Variants in CCM2L observed in about 807,000 individuals in gnomAD.
The protein encoded by CCM2L is cerebral cavernous malformations 2 protein-like.
In CCM2L, 36 loss-of-function variants were observed where a neutral mutation model predicts 54.1. That is an observed-to-expected ratio of 0.67 (90% CI 0.51 to 0.88). CCM2L has a LOEUF of 0.88. Among genes scored for constraint, CCM2L ranks in the 40% least tolerant of loss-of-function variants. The probability of loss-of-function intolerance (pLI) is 0.00; values close to 1 mark genes in which losing one functional copy is unlikely to be tolerated. For missense variants in CCM2L, 700 were observed against 812.1 expected, an observed-to-expected ratio of 0.86 and a Z score of 1.68; for synonymous variants, 351 against 359.3, an observed-to-expected ratio of 0.98 and a Z score of 0.26.
chr20:32,024,986 G>A (rs373128277), intron 6 of CCM2L, among the ~76,000 whole-genome samples: 97 of 152,298 alleles, frequency 6.4e-4, no homozygotes, highest in African/African-American at 2.0e-3. Flanking sequence ...CAAGCTCTCC[G>A]TACTTGGTGT....
At chr20:32,026,054 C>T (rs895507265) in intron 7 of CCM2L, 135 bp downstream of exon 7, 19 of 546,484 alleles carry the variant, frequency 3.5e-5, no homozygotes, top group Non-Finnish European at 5.5e-5. Flanking sequence ...GGGAGGTAAA[C>T]TGAGCTCCCT....
chr20:32,017,528 C>G (rs1385848168), intron 2 of CCM2L, among the ~76,000 whole-genome samples: 1 of 152,194 alleles, frequency 6.6e-6, no homozygotes, highest in Non-Finnish European at 1.5e-5. Context: ...TTGATCCTCT[C>G]TAGCTATCTA....
intron 1 of CCM2L, among the ~76,000 whole-genome samples, chr20:32,013,196 G>A (rs1001117127): frequency 2.0e-5 from 3 of 152,210 alleles, no homozygotes; most frequent in African/African-American, 7.2e-5. Context: ...TTACTTGGAA[G>A]GCTGAGGCAG....
chr20:32,015,297 G>C (rs2064732472), intron 2 of CCM2L, among the ~76,000 whole-genome samples: 1 of 152,178 alleles, frequency 6.6e-6, no homozygotes, highest in African/African-American at 2.4e-5. Flanking sequence ...CCTACCCCCA[G>C]TGGAGAGTGG....
At position 32,029,817 on chromosome 20, in the gene CCM2L, C is replaced by T. The variant is rs78544950; in HGVS notation, c.1381C>T (p.Arg461Trp). The T allele has an allele frequency of 1.8e-5, 29 of 1,606,176 alleles. No individual in the cohort carries two copies. In the East Asian group the frequency reaches 2.3e-4, roughly 13 times the overall value. The change falls in exon 9 of 10, where the codon CGG becomes TGG. Residue 461 changes from arginine to tryptophan, a missense_variant. Coordinates refer to ENST00000452892, the MANE Select transcript of CCM2L (RefSeq NM_001365692.1). ...AGGCCTGCTGAAGCTCTACGGAGAC[C>T]GGCGCAAGTTCCTCCTCCTTGGTGA... ...CTGLLKLYGDRRKFLLLGMRP... is the reference protein window; with the variant it reads ...CTGLLKLYGDWRKFLLLGMRP...
At chr20:32,014,262 T>TATATATATA (rs571156611) in intron 1 of CCM2L, among the ~76,000 whole-genome samples, 16 of 105,124 alleles carry the variant, frequency 1.5e-4, no homozygotes, top group Admixed American at 4.7e-4. Flanking sequence ...TATATATATA[T>TATATATATA]TTTTTTTTTT....
In CCM2L at chr20:32,025,873, G is replaced by A. The variant is rs1019061799; in HGVS notation, c.1087G>A (p.Asp363Asn). 3 of 1,304,018 alleles carry A rather than the reference G, an allele frequency of 2.3e-6. No homozygotes were observed. The highest frequency in any genetic ancestry group is 1.5e-5 in the African/African-American group (1 of 65,874). The allele number at this position is 1,304,018 out of a possible 1,614,324, so 80.8% of individuals were successfully genotyped here. Residue 363 changes from aspartate to asparagine, a missense_variant, in exon 7 of 10, where the codon GAT becomes AAT. By Grantham distance (23) the Asp-to-Asn change is conservative. Coordinates refer to ENST00000452892, the MANE Select transcript of CCM2L (RefSeq NM_001365692.1). Reference protein sequence around the residue: ...LCSRSESCHTDGTYAYDADFS... With the variant: ...LCSRSESCHTNGTYAYDADFS... ...GGTCCCAGGTGAGAGCTGCCACACAGATGGGACGTATGCCTATGATGCCGA... is the reference window on the plus strand; with the variant it reads ...GGTCCCAGGTGAGAGCTGCCACACAAATGGGACGTATGCCTATGATGCCGA...
chr20:32,028,893 G>T, intron 7 of CCM2L, 102 bp from the exon 8 acceptor site: 1 of 1,471,396 alleles, frequency 6.8e-7, no homozygotes, highest in Non-Finnish European at 9.3e-7. Flanking sequence ...CGAGGCCTTG[G>T]AGGCCAGCAT....
rs2064777436 is a variant in CCM2L, at chr20:32,019,248, G to A, written c.772G>A (p.Gly258Ser). The change falls in exon 5 of 10, where the codon GGC becomes AGC. Residue 258 changes from glycine (G) to serine (S), a missense_variant. Coordinates refer to ENST00000452892, the MANE Select transcript of CCM2L (RefSeq NM_001365692.1). Reference sequence around the variant, plus strand: ...GCGGCACGGAGGCGGCGGCGGCGGCGGCGGCGCGGGAAAGCCGGGCGGTAG... The same window carrying A: ...GCGGCACGGAGGCGGCGGCGGCGGCAGCGGCGCGGGAAAGCCGGGCGGTAG... ...ERRHGGGGGG[G>S]GAGKPGGSWE... 5.0e-6 allele frequency: 6 copies of A among 1,197,428 alleles called. No individual in the cohort carries two copies. In the South Asian group the frequency reaches 1.2e-4, roughly 25 times the overall value. 74.2% of individuals were successfully genotyped at this position (1,197,428 alleles called of 1,614,324 possible). A position where few individuals can be genotyped will look rare whatever the true frequency, so the allele number is the denominator to read the frequency against.
chr20:32,031,398 C>T lies in CCM2L; in HGVS notation c.*84C>T, dbSNP rs1439753598. 2.7e-6 allele frequency: 3 copies of T among 1,128,790 alleles called. No homozygotes were observed. The highest frequency in any genetic ancestry group is 3.4e-6 in the Non-Finnish European group (3 of 884,626). 69.9% of individuals were successfully genotyped at this position (1,128,790 alleles called of 1,614,324 possible). On this transcript the variant is annotated 3_prime_UTR_variant, in exon 10 of 10. Transcript: ENST00000452892. Reference sequence around the variant, plus strand: ...CGGGGACCCTATCCCCAGGGCCCCCCCATCACACCTGGCGGGGCCGGGGGG... The same window carrying T: ...CGGGGACCCTATCCCCAGGGCCCCCTCATCACACCTGGCGGGGCCGGGGGG...
chr20:32,015,026 C>T lies in CCM2L; in HGVS notation c.153C>T (p.Ile51=). Residue 51 remains isoleucine (I), a synonymous_variant, in exon 2 of 10, where the codon ATC becomes ATT. Coordinates refer to ENST00000452892, the MANE Select transcript of CCM2L (RefSeq NM_001365692.1). ...CCCTTTATCCCCCCGACTACCTCAT[C>T]GACCCCCAGATTCTGCTGTGTGACT... is the stretch of plus-strand genomic sequence containing the variant. ...SMPLYPPDYL[I]DPQILLCDYL... 3 of 1,557,002 alleles carry T rather than the reference C, an allele frequency of 1.9e-6. No homozygotes were observed. Among genetic ancestry groups the T allele is most frequent in the Non-Finnish European group, 2.6e-6 (3 of 1,154,386 alleles).
rs2064781322 is a variant in CCM2L at position 32,019,425 on chromosome 20, GC to G, written c.933+18del. 1.3e-6 allele frequency: 2 copies of G among 1,486,672 alleles called. No homozygotes were observed. The allele number at this position is 1,486,672 out of a possible 1,614,324, so 92.1% of individuals were successfully genotyped here. A position where few individuals can be genotyped will look rare whatever the true frequency, so the allele number is the denominator to read the frequency against. ...AGCCAACAGGGTGAGCCCGAGGGCA[GC>G]CTGCTCCCAAAGCCCGGCTTCGGGA... On this transcript the variant is annotated intron_variant, in intron 5 of 9. Transcript: ENST00000452892.
Position 32,019,482 on chromosome 20 carries a change from G to A in CCM2L, c.933+73G>A. 3 of 812,494 alleles carry A rather than the reference G, an allele frequency of 3.7e-6. No homozygotes were observed. In the South Asian group the frequency reaches 1.1e-4, roughly 29 times the overall value. The allele number at this position is 812,494 out of a possible 1,614,324, so 50.3% of individuals were successfully genotyped here. ...GCTTCCCCGCCCCCACCTTGCCCCC[G>A]CCCCACCCACCAGGTTCCTAGGATC... On this transcript the variant is annotated intron_variant, in intron 5 of 9. Coordinates refer to ENST00000452892, the MANE Select transcript of CCM2L (RefSeq NM_001365692.1).
intron 5 of CCM2L, among the ~76,000 whole-genome samples, chr20:32,022,322 T>A (rs954174298): frequency 4.6e-5 from 7 of 152,208 alleles, no homozygotes; most frequent in African/African-American, 1.7e-4. Flanking sequence ...TAATCCTGAC[T>A]AATCACTTCC....
intron 9 of CCM2L, 95 bp from the exon 10 acceptor site, chr20:32,030,906 C>A: frequency 9.0e-7 from 1 of 1,115,204 alleles, no homozygotes; most frequent in Non-Finnish European, 1.2e-6. Flanking sequence ...TGAGTGACAG[C>A]AGGGATTTGC....
intron 1 of CCM2L, among the ~76,000 whole-genome samples, chr20:32,013,720 G>A (rs565371151): frequency 1.6e-4 from 25 of 152,236 alleles, no homozygotes; most frequent in African/African-American, 5.5e-4. Context: ...AAAGTGCTAG[G>A]ATTACAGGCG....
At chr20:32,023,922 G>A (rs2064830644) in intron 6 of CCM2L, among the ~76,000 whole-genome samples, 3 of 152,130 alleles carry the variant, frequency 2.0e-5, no homozygotes, top group Admixed American at 1.3e-4. Context: ...GTAGAGACGG[G>A]GTTTCACCAT....
Position 32,031,005 on chromosome 20 carries a change from GC to G in CCM2L, c.1408del (p.Arg470GlyfsTer38), listed in dbSNP as rs1211610395. The G allele has an allele frequency of 1.5e-6, 2 of 1,304,130 alleles. 1 individual carries two copies. The highest frequency in any genetic ancestry group is 2.5e-5 in the South Asian group (2 of 81,028). The allele number at this position is 1,304,130 out of a possible 1,614,324, so 80.8% of individuals were successfully genotyped here. A position where few individuals can be genotyped will look rare whatever the true frequency, so the allele number is the denominator to read the frequency against. ...ACCATGCCCCTCGGCTCGCAGGGAT[GC>G]GGCCCTTCATCCCGGACCAGGACAT... is the stretch of plus-strand genomic sequence containing the variant. ...DRRKFLLLGM[R>X]PFIPDQDIGY... On this transcript the variant is annotated frameshift_variant, in exon 10 of 10. Coordinates refer to ENST00000452892, the MANE Select transcript of CCM2L (RefSeq NM_001365692.1). LOFTEE classifies it high-confidence loss of function.
Position 32,019,154 on chromosome 20 carries a change from C to A in CCM2L, c.678C>A (p.Arg226=). The A allele has an allele frequency of 8.9e-7, 1 of 1,123,348 alleles. No homozygotes were observed. The highest frequency in any genetic ancestry group is 1.1e-6 in the Non-Finnish European group (1 of 914,196). 69.6% of individuals were successfully genotyped at this position (1,123,348 alleles called of 1,614,324 possible). A position where few individuals can be genotyped will look rare whatever the true frequency, so the allele number is the denominator to read the frequency against. The change falls in exon 5 of 10, where the codon CGC becomes CGA. Residue 226 remains arginine, a synonymous_variant. Transcript: ENST00000452892. ...GAGGCGGCGGCGGCAGCTTGGAGCG[C>A]CAGCGCGCCGGGGCGCGGGCGTCGG... The part of the protein sequence containing the change: ...AGGGGGGSLE[R]QRAGARASGS...
Sources: allele counts gnomAD v4.1 joint callset (sites outside exome capture counted in the v4.1 genomes callset), GRCh38; gene constraint gnomAD v4.1.1; transcripts MANE v1.5; gene names NCBI Gene and HGNC (gene_info 2026-07-23, HGNC 2026-07-21).